The following OR10J1 variants were observed in gnomAD, a reference collection of about 807,000 sequenced individuals.
OR10J1 encodes olfactory receptor 10J1.
For synonymous variants in OR10J1, 202 were observed against 143.8 expected (o/e 1.40, Z -2.89); for missense variants, 474 against 376.6 (o/e 1.26, Z -2.14).
the OR10J1 span, among the ~76,000 whole-genome samples, chr1:159,428,701 A>G: frequency 6.6e-6 from 1 of 152,252 alleles, no homozygotes; most frequent in South Asian, 2.1e-4. Context: ...GGGACTTTGG[A>G]TCTTAATAGC....
At chr1:159,419,673 A>T in the OR10J1 span, among the ~76,000 whole-genome samples, 200 of 152,146 alleles carry the variant, frequency 1.3e-3, 4 homozygotes, top group East Asian at 0.026. Context: ...GTTTTATTCC[A>T]CTGTAGTCTC....
At chr1:159,434,904 G>A (rs779981691), upstream of OR10J1, among the ~76,000 whole-genome samples, 135 of 152,240 alleles carry the variant, frequency 8.9e-4, 1 homozygote, top group Admixed American at 3.2e-3. Context: ...TGGACACAGA[G>A]CCCTAGCTTT....
chr1:159,440,598 T>A lies in OR10J1; in HGVS notation c.807T>A (p.His269Gln), dbSNP rs774136165. 1 of 1,613,974 alleles carries A rather than the reference T, an allele frequency of 6.2e-7. No homozygotes were observed. Among genetic ancestry groups the A allele is most frequent in the Admixed American group, 1.7e-5 (1 of 60,024 alleles). ...LKPKSENTRE[H>Q]DQLISVTYTV... ...CCAAGTCAGAGAACACCAGAGAACA[T>A]GACCAGCTGATCTCGGTGACCTACA... Residue 269 changes from histidine (H) to glutamine (Q), a missense_variant, in exon 1 of 1, where the codon CAT (histidine) becomes CAA (glutamine). Transcript: ENST00000423932.
At chr1:159,427,896 T>A in the OR10J1 span, among the ~76,000 whole-genome samples, 95 of 152,248 alleles carry the variant, frequency 6.2e-4, no homozygotes, top group African/African-American at 2.2e-3. Context: ...GCCAATATTT[T>A]AAAAATTTCT....
At chr1:159,438,320 T>C, upstream of OR10J1, among the ~76,000 whole-genome samples, 1 of 152,214 alleles carries the variant, frequency 6.6e-6, no homozygotes, top group East Asian at 1.9e-4. Flanking sequence ...TTTATTGGTA[T>C]TTGGAAGAAG....
the OR10J1 span, among the ~76,000 whole-genome samples, chr1:159,398,581 G>A: frequency 6.6e-6 from 1 of 152,098 alleles, no homozygotes; most frequent in South Asian, 2.1e-4. Context: ...AAGAAATCAA[G>A]CAGAAATTCC....
At chr1:159,424,352 G>A in the OR10J1 span, among the ~76,000 whole-genome samples, 1 of 150,870 alleles carries the variant, frequency 6.6e-6, no homozygotes, top group East Asian at 1.9e-4. Flanking sequence ...TGATTTAAAT[G>A]CATGTAAATA....
chr1:159,411,846 G>T, the OR10J1 span, among the ~76,000 whole-genome samples: 2 of 151,968 alleles, frequency 1.3e-5, no homozygotes, highest in Non-Finnish European at 2.9e-5. Flanking sequence ...GGGCAGTTAG[G>T]CAGGAGAAGG....
At chr1:159,430,584 T>C in the OR10J1 span, among the ~76,000 whole-genome samples, 1 of 150,940 alleles carries the variant, frequency 6.6e-6, no homozygotes, top group Admixed American at 6.6e-5. Context: ...ATTGAAGAAA[T>C]TAATGACAAC....
chr1:159,420,520 T>C, the OR10J1 span, among the ~76,000 whole-genome samples: 93 of 152,290 alleles, frequency 6.1e-4, no homozygotes, highest in Admixed American at 1.6e-3. Context: ...TCATGTATTT[T>C]AGTGACAGTA....
At chr1:159,413,788 A>T in the OR10J1 span, among the ~76,000 whole-genome samples, 1 of 151,932 alleles carries the variant, frequency 6.6e-6, no homozygotes, top group South Asian at 2.1e-4. Flanking sequence ...ATGTACACAT[A>T]TGTAACTAAC....
the OR10J1 span, among the ~76,000 whole-genome samples, chr1:159,422,790 G>A: frequency 6.6e-6 from 1 of 152,130 alleles, no homozygotes; most frequent in Non-Finnish European, 1.5e-5. Context: ...CTTTCCTATG[G>A]CTAGAGTTGT....
the OR10J1 span, among the ~76,000 whole-genome samples, chr1:159,419,018 T>G: frequency 6.6e-6 from 1 of 152,220 alleles, no homozygotes; most frequent in Non-Finnish European, 1.5e-5. Context: ...AGAATGAGTG[T>G]ATTTACCCAA....
At chr1:159,424,332 C>T in the OR10J1 span, among the ~76,000 whole-genome samples, 1 of 150,816 alleles carries the variant, frequency 6.6e-6, no homozygotes, top group Non-Finnish European at 1.5e-5. Context: ...TGTTAATATG[C>T]ACATACATAT....
At chr1:159,414,951 T>A in the OR10J1 span, among the ~76,000 whole-genome samples, 1 of 152,108 alleles carries the variant, frequency 6.6e-6, no homozygotes, top group Non-Finnish European at 1.5e-5. Flanking sequence ...TGAGGTGAGT[T>A]CCTTGTATAT....
At chr1:159,430,470 G>T in the OR10J1 span, among the ~76,000 whole-genome samples, 1 of 152,100 alleles carries the variant, frequency 6.6e-6, no homozygotes, top group South Asian at 2.1e-4. Context: ...GATCACAGAG[G>T]TATTTAACTC....
chr1:159,413,162 T>C, the OR10J1 span, among the ~76,000 whole-genome samples: 1 of 152,274 alleles, frequency 6.6e-6, no homozygotes, highest in Non-Finnish European at 1.5e-5. Flanking sequence ...CTTGTTAGAA[T>C]GGCAATCATT....
the OR10J1 span, among the ~76,000 whole-genome samples, chr1:159,425,553 C>T: frequency 7.9e-5 from 12 of 151,482 alleles, no homozygotes; most frequent in Admixed American, 1.3e-4. Context: ...TCAAGATACT[C>T]GAAAACTTAA....
At chr1:159,430,659 G>GTGTGTGTC in the OR10J1 span, among the ~76,000 whole-genome samples, 1 of 79,658 alleles carries the variant, frequency 1.3e-5, no homozygotes, top group African/African-American at 3.3e-5. Context: ...GTGTGTGTGT[G>GTGTGTGTC]TGTGTGTGTG....
Sources: gnomAD v4.1 joint callset for allele counts (sites outside exome capture counted in the v4.1 genomes callset) on GRCh38, gnomAD v4.1.1 for gene constraint, MANE v1.5 for transcripts, NCBI Gene and HGNC (gene_info 2026-07-23, HGNC 2026-07-21) for gene names.